TNIK: variants seen among roughly 807,000 people sequenced by gnomAD.
TNIK encodes the protein TRAF2 and NCK interacting kinase.
A neutral mutation model predicts 191.3 loss-of-function variants in TNIK; 49 were observed. The ratio of observed to expected loss-of-function variants is 0.26; its 90% CI spans 0.20 to 0.32. TNIK has a LOEUF of 0.32. TNIK is among the 10% of genes least tolerant of loss of function. TNIK has a pLI of 1.00. For synonymous variants in TNIK, 594 were observed against 600.9 expected, an observed-to-expected ratio of 0.99 and a Z score of 0.17; for missense variants, 1,155 against 1,702.3, an observed-to-expected ratio of 0.68 and a Z score of 5.66.
chr3:171,313,247 T>G (rs981212529), intron 2 of TNIK, among the ~76,000 whole-genome samples: 97 of 132,110 alleles, frequency 7.3e-4, no homozygotes, highest in Middle Eastern at 3.5e-3. Context: ...TAGCTTTCTT[T>G]CTTTCTTTCT....
intron 3 of TNIK, among the ~76,000 whole-genome samples, chr3:171,222,566 T>G (rs920794791): frequency 1.3e-5 from 2 of 152,156 alleles, no homozygotes; most frequent in African/African-American, 4.8e-5. Context: ...CCAAATGTAC[T>G]TGGAACAATG....
At position 171,379,398 on chromosome 3, in the gene TNIK, T is replaced by A. The variant is rs569950616; in HGVS notation, c.58-9713A>T. On this transcript the variant is annotated intron_variant, in intron 1 of 32. Coordinates refer to ENST00000436636, the MANE Select transcript of TNIK (RefSeq NM_015028.4). ...ACTGACTTGAATATTTTTTCTGATTTTGGTGCATAGCACAGCTATTTTAAT... is the reference window on the plus strand; with the variant it reads ...ACTGACTTGAATATTTTTTCTGATTATGGTGCATAGCACAGCTATTTTAAT... Among the ~76,000 whole-genome samples, 36 of 152,352 alleles carry A rather than the reference T, an allele frequency of 2.4e-4. 1 individual carries two copies. The South Asian group carries it at 4.8e-3, about 20-fold the overall frequency.
At chr3:171,274,751 C>T (rs369870775) in intron 2 of TNIK, among the ~76,000 whole-genome samples, 4 of 134,332 alleles carry the variant, frequency 3.0e-5, no homozygotes, top group East Asian at 2.0e-4. Flanking sequence ...CTTTAATCAA[C>T]CTCACTAAAT....
At chr3:171,406,460 C>T (rs1187541741) in intron 1 of TNIK, among the ~76,000 whole-genome samples, 2 of 152,142 alleles carry the variant, frequency 1.3e-5, no homozygotes, top group African/African-American at 4.8e-5. Context: ...GACAGGGCCT[C>T]ACACTGTCAC....
chr3:171,124,973 A>G (rs1445302437), intron 17 of TNIK, among the ~76,000 whole-genome samples: 4 of 152,250 alleles, frequency 2.6e-5, no homozygotes, highest in South Asian at 2.1e-4. Flanking sequence ...TTCCACAAAG[A>G]ATCTCAAAAA....
At chr3:171,284,905 T>C (rs1165653188) in intron 2 of TNIK, among the ~76,000 whole-genome samples, 1 of 152,204 alleles carries the variant, frequency 6.6e-6, no homozygotes, top group Non-Finnish European at 1.5e-5. Context: ...AAGCGTGCGC[T>C]GACTAAAAGA....
intron 1 of TNIK, among the ~76,000 whole-genome samples, chr3:171,423,837 A>G (rs1453576806): frequency 6.6e-6 from 1 of 152,208 alleles, no homozygotes; most frequent in Non-Finnish European, 1.5e-5. Flanking sequence ...TTAATTCAAG[A>G]TGGATTAAAG....
chr3:171,321,900 C>G (rs1196827181), intron 2 of TNIK, among the ~76,000 whole-genome samples: 2 of 152,118 alleles, frequency 1.3e-5, no homozygotes, highest in Non-Finnish European at 2.9e-5. Flanking sequence ...CCAATTTAAC[C>G]AAAGACTTTG....
chr3:171,063,090 A>C lies in TNIK; in HGVS notation c.*791T>G, dbSNP rs942647263. On this transcript the variant is annotated 3_prime_UTR_variant, in exon 33 of 33. Coordinates refer to ENST00000436636, the MANE Select transcript of TNIK (RefSeq NM_015028.4). ...TGTCCCTCCATCGCTAGGCCAGCTCAACTCAATGGCGTTAGTATCCTGTTC... is the reference window on the plus strand; with the variant it reads ...TGTCCCTCCATCGCTAGGCCAGCTCCACTCAATGGCGTTAGTATCCTGTTC... 3.3e-5 allele frequency: 5 copies of C among 152,216 alleles called. No homozygotes were observed. Among genetic ancestry groups the C allele is most frequent in the Non-Finnish European group, 7.3e-5 (5 of 68,052 alleles). The allele number at this position is 152,216 out of a possible 1,614,324, so 9.4% of individuals were successfully genotyped here.
intron 2 of TNIK, among the ~76,000 whole-genome samples, chr3:171,333,197 A>G (rs1560440708): frequency 6.6e-6 from 1 of 151,880 alleles, no homozygotes; most frequent in Non-Finnish European, 1.5e-5. Flanking sequence ...TTTAATTTTA[A>G]ATATGAATAT....
intron 9 of TNIK, among the ~76,000 whole-genome samples, chr3:171,174,573 T>C (rs1735741397): frequency 6.6e-6 from 1 of 152,224 alleles, no homozygotes; most frequent in Non-Finnish European, 1.5e-5. Context: ...TGGCTTAACC[T>C]GTAGAACTGT....
intron 2 of TNIK, among the ~76,000 whole-genome samples, chr3:171,263,811 T>C (rs1747991274): frequency 6.6e-6 from 1 of 151,540 alleles, no homozygotes; most frequent in Admixed American, 6.6e-5. Context: ...AGGAAAGGCT[T>C]CCTATGGAAG....
At chr3:171,207,439 C>T (rs1040995905) in intron 4 of TNIK, among the ~76,000 whole-genome samples, 2 of 151,988 alleles carry the variant, frequency 1.3e-5, no homozygotes, top group African/African-American at 2.4e-5. Flanking sequence ...GCTCAAGCAA[C>T]CCTCCCAGCC....
In TNIK at chr3:171,063,943, A is replaced by C; in HGVS notation, c.4021T>G (p.Ser1341Ala). ...NDKVFFASVR[S>A]GGSSQVFFMT... Reference sequence around the variant, plus strand: ...AAAAACACTTGGCTACTTCCTCCAGATCGCACGGATGCAAAAAATACCTGT... The same window carrying C: ...AAAAACACTTGGCTACTTCCTCCAGCTCGCACGGATGCAAAAAATACCTGT... The change falls in exon 33 of 33, where the codon TCT (serine) becomes GCT (alanine). Residue 1341 changes from serine (S) to alanine (A), a missense_variant. This residue lies in a region of TNIK where 195 missense variants were observed against 415.4 expected (regional missense o/e 0.47). Coordinates refer to ENST00000436636, the MANE Select transcript of TNIK (RefSeq NM_015028.4). The C allele has an allele frequency of 6.2e-7, 1 of 1,613,810 alleles. No individual in the cohort carries two copies. Among genetic ancestry groups the C allele is most frequent in the Non-Finnish European group, 8.5e-7 (1 of 1,179,752 alleles).
chr3:171,169,161 AG>A (rs1734976732), intron 9 of TNIK, among the ~76,000 whole-genome samples: 2 of 152,258 alleles, frequency 1.3e-5, no homozygotes, highest in African/African-American at 2.4e-5. Context: ...AGTATTAAAA[AG>A]ATGAAAACAA....
chr3:171,143,100 T>A (rs1161364305), intron 12 of TNIK, among the ~76,000 whole-genome samples: 1 of 152,154 alleles, frequency 6.6e-6, no homozygotes, highest in African/African-American at 2.4e-5. Flanking sequence ...CAAAAGTAAC[T>A]AATAATTAAT....
At chr3:171,405,294 T>C (rs1560030543) in intron 1 of TNIK, among the ~76,000 whole-genome samples, 2 of 152,306 alleles carry the variant, frequency 1.3e-5, no homozygotes, top group East Asian at 3.9e-4. Flanking sequence ...AATGTCTCTT[T>C]AGCTCTGTAA....
At chr3:171,326,972 C>T (rs954787190) in intron 2 of TNIK, among the ~76,000 whole-genome samples, 13 of 152,112 alleles carry the variant, frequency 8.5e-5, no homozygotes, top group African/African-American at 1.4e-4. Flanking sequence ...CCCTACTCTG[C>T]CCCTGAAAAC....
intron 2 of TNIK, among the ~76,000 whole-genome samples, chr3:171,279,426 C>T (rs1393383694): frequency 6.6e-6 from 1 of 152,122 alleles, no homozygotes; most frequent in African/African-American, 2.4e-5. Flanking sequence ...ACTCCTAGGT[C>T]AAAGGACTTA....
Sources: gnomAD v4.1 joint callset for allele counts (sites outside exome capture counted in the v4.1 genomes callset) on GRCh38, gnomAD v4.1.1 for gene constraint, gnomAD v4.1.1 regional missense constraint, MANE v1.5 for transcripts, NCBI Gene and HGNC (gene_info 2026-07-23, HGNC 2026-07-21) for gene names.